Variants in NEK11 observed in about 807,000 individuals in gnomAD.
The protein encoded by NEK11 is NIMA related kinase 11.
A neutral mutation model predicts 80.7 loss-of-function variants in NEK11; 72 were observed. The observed-to-expected ratio is 0.89, with a 90% CI of 0.74 to 1.08. NEK11 has a LOEUF of 1.08. Ranked by LOEUF, NEK11 falls within the 50% of genes least tolerant of loss-of-function variation. The pLI is 0.00. For synonymous variants in NEK11, 251 were observed against 260.7 expected (o/e 0.96, Z 0.36); for missense variants, 764 against 763.6 (o/e 1.00, Z -0.01).
chr3:131,195,793 AATAT>A (rs58272752), intron 14 of NEK11, among the ~76,000 whole-genome samples: 60,090 of 133,812 alleles, frequency 0.45, 14,851 homozygotes, highest in Middle Eastern at 0.6. Flanking sequence ...TATATTTCAG[AATAT>A]ATATATATAT....
intron 4 of NEK11, among the ~76,000 whole-genome samples, chr3:131,085,629 A>G (rs1362923953): frequency 6.6e-6 from 1 of 152,150 alleles, no homozygotes; most frequent in Non-Finnish European, 1.5e-5. Flanking sequence ...GAGCAAGGAC[A>G]TTTCAGCTAA....
At chr3:131,141,356 G>A (rs1479903815) in intron 7 of NEK11, among the ~76,000 whole-genome samples, 1 of 152,084 alleles carries the variant, frequency 6.6e-6, no homozygotes, top group East Asian at 1.9e-4. Flanking sequence ...TGCTCAGGAT[G>A]GGGAAAAATG....
At chr3:131,130,743 AT>A (rs1560552199) in intron 5 of NEK11, among the ~76,000 whole-genome samples, 2 of 152,186 alleles carry the variant, frequency 1.3e-5, no homozygotes, top group African/African-American at 2.4e-5. Flanking sequence ...GCAGCCTTGC[AT>A]ACCTAGTATA....
At chr3:131,292,236 G>A (rs1004641826) in intron 17 of NEK11, among the ~76,000 whole-genome samples, 1 of 152,144 alleles carries the variant, frequency 6.6e-6, no homozygotes, top group African/African-American at 2.4e-5. Context: ...CTACATTTAT[G>A]TGGGTCTATT....
chr3:131,115,978 C>CTTTCTT (rs1578499130), intron 5 of NEK11, among the ~76,000 whole-genome samples: 2 of 116,284 alleles, frequency 1.7e-5, no homozygotes, highest in Non-Finnish European at 3.7e-5. Context: ...TTCTTTCTTT[C>CTTTCTT]TTTCTTTCTT....
intron 17 of NEK11, among the ~76,000 whole-genome samples, chr3:131,338,121 C>T (rs1274551521): frequency 6.6e-6 from 1 of 152,056 alleles, no homozygotes; most frequent in Non-Finnish European, 1.5e-5. Flanking sequence ...CACACGCCGC[C>T]ATGCCCGGCT....
rs561926447 is a variant in NEK11, at chr3:131,043,185, C to T, written c.170+13307C>T. Among the ~76,000 whole-genome samples, 92 of 152,268 alleles carry T rather than the reference C, an allele frequency of 6.0e-4. 1 individual carries two copies. Among genetic ancestry groups the T allele is most frequent in the Non-Finnish European group, 8.5e-4 (58 of 68,018 alleles). ...ACCAGCGCAAAAAGGCTGAAAATTC[C>T]AAAAACCAGAATGCCACTTCTCCAA... is the stretch of plus-strand genomic sequence containing the variant. On this transcript the variant is annotated intron_variant, in intron 3 of 17. Coordinates refer to ENST00000383366, the MANE Select transcript of NEK11 (RefSeq NM_024800.5).
chr3:131,338,518 T>G (rs957946515), intron 17 of NEK11, among the ~76,000 whole-genome samples: 4 of 152,106 alleles, frequency 2.6e-5, no homozygotes, highest in African/African-American at 9.7e-5. Context: ...AGTGAAAATA[T>G]ATGTCCACAC....
At chr3:131,269,686 C>T (rs2096140543) in intron 16 of NEK11, among the ~76,000 whole-genome samples, 1 of 152,122 alleles carries the variant, frequency 6.6e-6, no homozygotes, top group African/African-American at 2.4e-5. Context: ...CCATCTTGCC[C>T]ATTCCATCCA....
At chr3:131,130,799 GA>G (rs2084298859) in intron 5 of NEK11, among the ~76,000 whole-genome samples, 1 of 151,946 alleles carries the variant, frequency 6.6e-6, no homozygotes, top group Non-Finnish European at 1.5e-5. Flanking sequence ...CACAATGTTG[GA>G]TATATATATG....
chr3:131,243,469 G>A lies in NEK11; in HGVS notation c.1594G>A (p.Glu532Lys), dbSNP rs1463041104. The change falls in exon 16 of 18, where the codon GAA becomes AAA. Residue 532 changes from glutamate to lysine, a missense_variant. Glu to Lys is a moderately conservative substitution (Grantham distance 56). Transcript: ENST00000383366. ...TATCGAAGCGTTGGCCAGGTGTTTG[G>A]AAAATGTCCTGGGTTGCACTTCTCT... Reference protein sequence around the residue: ...SDIEALARCLENVLGCTSLDT... With the variant: ...SDIEALARCLKNVLGCTSLDT... The A allele has an allele frequency of 6.2e-7, 1 of 1,612,904 alleles. No individual in the cohort carries two copies. The highest frequency in any genetic ancestry group is 1.1e-5 in the South Asian group (1 of 91,034).
At chr3:131,349,286 A>G (rs542615964) in intron 17 of NEK11, among the ~76,000 whole-genome samples, 18 of 152,310 alleles carry the variant, frequency 1.2e-4, no homozygotes, top group Middle Eastern at 3.4e-3. Context: ...TGTATTATAT[A>G]TATATACACA....
intron 6 of NEK11, 151 bp from the exon 7 acceptor site, chr3:131,133,678 TA>T (rs1250517141): frequency 1.3e-5 from 7 of 538,810 alleles, no homozygotes; most frequent in Non-Finnish European, 2.2e-5. Flanking sequence ...CAGCGTTGTA[TA>T]ATTTAAGATA....
At chr3:131,110,026 G>C (rs1173425734) in intron 5 of NEK11, 105 bp downstream of exon 5, 38 of 1,142,064 alleles carry the variant, frequency 3.3e-5, no homozygotes, top group Non-Finnish European at 4.6e-5. Context: ...AAGTTCAAAA[G>C]GTATATGGCT....
Position 131,132,758 on chromosome 3 carries a change from C to G in NEK11, c.469C>G (p.Arg157Gly). ...TGCCTTTTGTAGGAGGATACTTCAT[C>G]GAGACTTAAAGTCAAAGAATGTATT... Reference protein sequence around the residue: ...DYMHERRILHRDLKSKNVFLK... With the variant: ...DYMHERRILHGDLKSKNVFLK... The change falls in exon 6 of 18, where the codon CGA (arginine) becomes GGA (glycine). Residue 157 changes from arginine (R) to glycine (G), a missense_variant. Physicochemically the swap from Arg to Gly is moderately radical, Grantham distance 125 (BLOSUM62 -2). Transcript: ENST00000383366. 6.6e-7 allele frequency: 1 copy of G among 1,524,336 alleles called. No homozygotes were observed. The highest frequency in any genetic ancestry group is 8.9e-7 in the Non-Finnish European group (1 of 1,117,812). 94.4% of individuals were successfully genotyped at this position (1,524,336 alleles called of 1,614,324 possible).
chr3:131,046,845 C>G (rs1397510156), intron 3 of NEK11, among the ~76,000 whole-genome samples: 2 of 152,200 alleles, frequency 1.3e-5, no homozygotes, highest in African/African-American at 4.8e-5. Context: ...AGATCTCTAG[C>G]AAGGCCAGGT....
At chr3:131,206,887 A>G (rs923528775) in intron 14 of NEK11, among the ~76,000 whole-genome samples, 10 of 152,094 alleles carry the variant, frequency 6.6e-5, no homozygotes, top group African/African-American at 9.7e-5. Context: ...TCATTGTTCA[A>G]TTCCCACCTA....
intron 16 of NEK11, among the ~76,000 whole-genome samples, chr3:131,253,003 A>G (rs2095736921): frequency 6.6e-6 from 1 of 151,982 alleles, no homozygotes; most frequent in African/African-American, 2.4e-5. Context: ...GTCCTGTGTG[A>G]TGGGCTATCT....
intron 3 of NEK11, among the ~76,000 whole-genome samples, chr3:131,035,174 G>A (rs76863087): frequency 6.6e-6 from 1 of 152,094 alleles, no homozygotes; most frequent in Non-Finnish European, 1.5e-5. Context: ...CCAGGCTCTT[G>A]CCTCCTCAGA....
Sources: gnomAD v4.1 joint callset for allele counts (sites outside exome capture counted in the v4.1 genomes callset) on GRCh38, gnomAD v4.1.1 for gene constraint, MANE v1.5 for transcripts, NCBI Gene and HGNC (gene_info 2026-07-23, HGNC 2026-07-21) for gene names.